The following GRIN2B variants were observed in gnomAD, a reference collection of about 807,000 sequenced individuals.
GRIN2B encodes glutamate receptor ionotropic, NMDA 2B.
In GRIN2B, 5 loss-of-function variants were observed where a neutral mutation model predicts 114.5. The observed-to-expected ratio is 0.04, with a 90% CI of 0.02 to 0.09. The LOEUF is 0.09. GRIN2B is among the 10% of genes least tolerant of loss of function. GRIN2B has a pLI of 1.00. For synonymous variants in GRIN2B, 787 were observed against 745.1 expected, an observed-to-expected ratio of 1.06 and a Z score of -0.92; for missense variants, 1,108 against 1,943.5, an observed-to-expected ratio of 0.57 and a Z score of 8.08.
At chr12:13,692,061 C>A (rs1423359852) in intron 4 of GRIN2B, among the ~76,000 whole-genome samples, 3 of 152,142 alleles carry the variant, frequency 2.0e-5, no homozygotes, top group Non-Finnish European at 4.4e-5. Context: ...GCTTAAAAAG[C>A]CCCCGATTGA....
intron 10 of GRIN2B, among the ~76,000 whole-genome samples, chr12:13,599,206 C>G (rs1949119046): frequency 6.6e-6 from 1 of 152,180 alleles, no homozygotes; most frequent in African/African-American, 2.4e-5. Flanking sequence ...GACAGGAAAT[C>G]TCGATGTGGA....
chr12:13,860,224 T>A (rs1436267997), intron 3 of GRIN2B, among the ~76,000 whole-genome samples: 1 of 151,972 alleles, frequency 6.6e-6, no homozygotes, highest in Non-Finnish European at 1.5e-5. Flanking sequence ...CAAAGAAGAG[T>A]AGGGCCATCT....
chr12:13,931,908 C>T (rs1275218815), intron 2 of GRIN2B, among the ~76,000 whole-genome samples: 4 of 152,188 alleles, frequency 2.6e-5, no homozygotes, highest in South Asian at 2.1e-4. Flanking sequence ...TCATTTCTCA[C>T]CTAAATGATG....
At chr12:13,573,928 G>C (rs1948739817) in intron 10 of GRIN2B, among the ~76,000 whole-genome samples, 1 of 152,226 alleles carries the variant, frequency 6.6e-6, no homozygotes, top group African/African-American at 2.4e-5. Flanking sequence ...TCCTGACTGA[G>C]AAAGCTCCCT....
chr12:13,928,190 A>G (rs1430199077), intron 2 of GRIN2B, among the ~76,000 whole-genome samples: 1 of 151,870 alleles, frequency 6.6e-6, no homozygotes, highest in East Asian at 1.9e-4. Flanking sequence ...ACGCACCTGC[A>G]ATCCCAGCTA....
Position 13,642,187 on chromosome 12 carries a change from TCAAAACAAA to T in GRIN2B, c.1126-25539_1126-25531del, listed in dbSNP as rs1173924125. 2.7e-5 allele frequency among the ~76,000 whole-genome samples: 3 copies of T among 112,972 alleles called. No homozygotes were observed. In the Admixed American group the frequency reaches 2.7e-4, roughly 10 times the overall value. The allele number at this position is 112,972 out of a possible 152,430, so 74.1% of individuals were successfully genotyped here. A position where few individuals can be genotyped will look rare whatever the true frequency, so the allele number is the denominator to read the frequency against. On this transcript the variant is annotated intron_variant, in intron 5 of 13. Coordinates refer to ENST00000609686, the MANE Select transcript of GRIN2B (RefSeq NM_000834.5). ...TGGGAGACAAGAGTGAGACTCTGTC[TCAAAACAAA>T]CAAACAAACAAACAAACAAACAAAC...
intron 5 of GRIN2B, among the ~76,000 whole-genome samples, chr12:13,617,457 C>T (rs924997600): frequency 1.3e-5 from 2 of 152,218 alleles, no homozygotes; most frequent in Non-Finnish European, 2.9e-5. Flanking sequence ...GAATCATGAA[C>T]ATGGCGGCCT....
chr12:13,884,397 CAAATTTCTT>C (rs1866119795), intron 2 of GRIN2B, among the ~76,000 whole-genome samples: 1 of 152,076 alleles, frequency 6.6e-6, no homozygotes, highest in Non-Finnish European at 1.5e-5. Flanking sequence ...GATGTTACTA[CAAATTTCTT>C]AAATTTCAAT....
At chr12:13,947,865 C>T (rs1008997620) in intron 2 of GRIN2B, among the ~76,000 whole-genome samples, 86 of 152,260 alleles carry the variant, frequency 5.6e-4, no homozygotes, top group African/African-American at 1.8e-3. Context: ...TAACGTTAAA[C>T]CACGCTGTAG....
At chr12:13,646,563 C>T (rs183069000) in intron 5 of GRIN2B, among the ~76,000 whole-genome samples, 65 of 152,202 alleles carry the variant, frequency 4.3e-4, no homozygotes, top group Middle Eastern at 6.8e-3. Context: ...ATGTTTTAAT[C>T]GCAAAGGTGA....
At chr12:13,693,953 G>T (rs1950235940) in intron 4 of GRIN2B, among the ~76,000 whole-genome samples, 1 of 152,142 alleles carries the variant, frequency 6.6e-6, no homozygotes, top group African/African-American at 2.4e-5. Context: ...TCTGCTCTCA[G>T]ATGCACTCTC....
chr12:13,866,359 C>G, intron 2 of GRIN2B, 133 bp from the exon 3 acceptor site: 2 of 755,666 alleles, frequency 2.6e-6, no homozygotes, highest in South Asian at 3.0e-5. Context: ...ATCTACCAGC[C>G]TACTCTCTTA....
intron 4 of GRIN2B, among the ~76,000 whole-genome samples, chr12:13,681,148 C>T (rs1390360353): frequency 6.6e-6 from 1 of 152,158 alleles, no homozygotes; most frequent in Admixed American, 6.5e-5. Flanking sequence ...AGCCAACCAA[C>T]AGCCCTAGAA....
intron 3 of GRIN2B, among the ~76,000 whole-genome samples, chr12:13,773,263 A>G (rs1591722661): frequency 1.3e-5 from 2 of 152,356 alleles, no homozygotes; most frequent in South Asian, 4.1e-4. Flanking sequence ...TTTTAGGTCT[A>G]AAGTAGCTAG....
Position 13,916,735 on chromosome 12 carries a change from A to ACAAATGTGTG in GRIN2B, c.-18-50510_-18-50509insCACACATTTG, listed in dbSNP as rs59238170. Reference sequence around the variant, plus strand: ...TATACACACACACACACACACACACATTTGTGTGTGTGTGTGTGTGTGTGT... The same window carrying ACAAATGTGTG: ...TATACACACACACACACACACACACACAAATGTGTGTTTGTGTGTGTGTGTGTGTGTGTGT... On this transcript the variant is annotated intron_variant, in intron 2 of 13. Transcript: ENST00000609686. 1.2e-3 allele frequency among the ~76,000 whole-genome samples: 124 copies of ACAAATGTGTG among 101,912 alleles called. 1 individual carries two copies. Among genetic ancestry groups the ACAAATGTGTG allele is most frequent in the Middle Eastern group, 6.5e-3 (1 of 154 alleles). The allele number at this position is 101,912 out of a possible 152,430, so 66.9% of individuals were successfully genotyped here.
intron 8 of GRIN2B, among the ~76,000 whole-genome samples, chr12:13,612,843 T>A (rs934636718): frequency 6.6e-6 from 1 of 152,232 alleles, no homozygotes; most frequent in African/African-American, 2.4e-5. Context: ...TTCTGGCCTT[T>A]TTAGCTGTCA....
chr12:13,638,948 G>A (rs1190407488), intron 5 of GRIN2B, among the ~76,000 whole-genome samples: 2 of 151,986 alleles, frequency 1.3e-5, no homozygotes, highest in African/African-American at 4.8e-5. Flanking sequence ...TTGCACGTTT[G>A]TTGTACCTCA....
chr12:13,557,858 A>T lies in GRIN2B; in HGVS notation c.*4925T>A, dbSNP rs1948493289. The stretch of plus-strand genomic sequence containing the variant: ...GTAAATTAGGTGATTAAATGTATAC[A>T]TCCCTAATATGGCTTAATATGTCAC... On this transcript the variant is annotated 3_prime_UTR_variant, in exon 14 of 14. Transcript: ENST00000609686. 1 of 152,202 alleles carries T rather than the reference A, an allele frequency of 6.6e-6. No homozygotes were observed. The highest frequency in any genetic ancestry group is 1.5e-5 in the Non-Finnish European group (1 of 68,036). 9.4% of individuals were successfully genotyped at this position (152,202 alleles called of 1,614,324 possible). A position where few individuals can be genotyped will look rare whatever the true frequency, so the allele number is the denominator to read the frequency against.
At chr12:13,699,925 A>G (rs1316530903) in intron 4 of GRIN2B, among the ~76,000 whole-genome samples, 1 of 151,304 alleles carries the variant, frequency 6.6e-6, no homozygotes, top group Non-Finnish European at 1.5e-5. Context: ...TACCTTTGGC[A>G]GATAACAATC....
Sources: gnomAD v4.1 joint callset for allele counts (sites outside exome capture counted in the v4.1 genomes callset) on GRCh38, gnomAD v4.1.1 for gene constraint, MANE v1.5 for transcripts, NCBI Gene and HGNC (gene_info 2026-07-23, HGNC 2026-07-21) for gene names.